MSI2: variants seen among roughly 807,000 people sequenced by gnomAD.
MSI2 encodes the protein musashi RNA binding protein 2.
MSI2 carries 17 observed loss-of-function variants against 45.6 expected under a neutral mutation model. That is an observed-to-expected ratio of 0.37 (90% confidence interval 0.26 to 0.56). The LOEUF (loss-of-function observed/expected upper bound fraction) is 0.56, where lower values mean the gene tolerates loss of function less well. MSI2 is among the 20% of genes least tolerant of loss of function. The pLI, the probability that MSI2 is intolerant of heterozygous loss-of-function variation, is 0.77. For missense variants in MSI2, 293 were observed against 444.2 expected (o/e 0.66, Z 3.06); for synonymous variants, 156 against 158.2 (o/e 0.99, Z 0.11).
intron 7 of MSI2, among the ~76,000 whole-genome samples, chr17:57,571,651 TTC>T (rs1386088663): frequency 2.0e-5 from 3 of 152,206 alleles, no homozygotes; most frequent in African/African-American, 7.2e-5. Context: ...TTTGAGATAC[TTC>T]ATCGAATGAT....
At chr17:57,283,722 C>T (rs1909620464) in intron 5 of MSI2, among the ~76,000 whole-genome samples, 2 of 152,200 alleles carry the variant, frequency 1.3e-5, no homozygotes, top group African/African-American at 4.8e-5. Context: ...CAAGTTGGTG[C>T]TTAGTCTGGG....
chr17:57,418,398 A>G (rs17834199), intron 6 of MSI2, among the ~76,000 whole-genome samples: 25,416 of 152,258 alleles, frequency 0.17, 2,249 homozygotes, highest in African/African-American at 0.19. Flanking sequence ...GTATTGTCTG[A>G]TGCCATCCCT....
intron 5 of MSI2, among the ~76,000 whole-genome samples, chr17:57,307,466 CCA>C (rs1444425507): frequency 6.8e-6 from 1 of 147,968 alleles, no homozygotes; most frequent in Non-Finnish European, 1.5e-5. Flanking sequence ...TCTCTGTTGC[CCA>C]GAGTGGAGTG....
At chr17:57,366,183 G>C (rs1917177263) in intron 5 of MSI2, among the ~76,000 whole-genome samples, 1 of 152,192 alleles carries the variant, frequency 6.6e-6, no homozygotes, top group Non-Finnish European at 1.5e-5. Context: ...AAAGTGCTGG[G>C]ATTACAAGCA....
intron 5 of MSI2, among the ~76,000 whole-genome samples, chr17:57,285,030 T>C (rs1160425530): frequency 2.6e-5 from 4 of 151,940 alleles, no homozygotes; most frequent in Non-Finnish European, 5.9e-5. Flanking sequence ...TGTAGGAGGA[T>C]AGGGGAGGTT....
chr17:57,697,380 C>T, the MSI2 span, among the ~76,000 whole-genome samples: 27 of 152,130 alleles, frequency 1.8e-4, no homozygotes, highest in East Asian at 4.3e-3. Flanking sequence ...CACGTTCTCA[C>T]AGCTTCACGC....
intron 6 of MSI2, among the ~76,000 whole-genome samples, chr17:57,442,443 A>C (rs905990939): frequency 2.0e-5 from 3 of 152,126 alleles, no homozygotes; most frequent in African/African-American, 7.2e-5. Flanking sequence ...CAGAACTTGG[A>C]GAGGTTTTTG....
intron 6 of MSI2, among the ~76,000 whole-genome samples, chr17:57,508,230 A>G (rs1312050951): frequency 2.0e-5 from 3 of 152,016 alleles, no homozygotes; most frequent in African/African-American, 7.3e-5. Context: ...GCCATTCTGC[A>G]TTGATATGAG....
chr17:57,300,257 G>A (rs771124846), intron 5 of MSI2, among the ~76,000 whole-genome samples: 2 of 151,962 alleles, frequency 1.3e-5, no homozygotes, highest in Non-Finnish European at 2.9e-5. Flanking sequence ...TTAACTTTTA[G>A]CAGCCAGATT....
chr17:57,366,819 C>T (rs1194311280), intron 5 of MSI2, among the ~76,000 whole-genome samples: 5 of 152,090 alleles, frequency 3.3e-5, no homozygotes, highest in African/African-American at 9.7e-5. Flanking sequence ...ACGTAATTTA[C>T]GGAGGCGAGG....
At chr17:57,371,524 C>T (rs1446868082) in intron 5 of MSI2, among the ~76,000 whole-genome samples, 1 of 132,494 alleles carries the variant, frequency 7.5e-6, no homozygotes, top group Non-Finnish European at 1.6e-5. Context: ...AAAAAAAGGG[C>T]AAAAAATTAT....
chr17:57,535,141 C>T (rs1277422538), intron 7 of MSI2, among the ~76,000 whole-genome samples: 1 of 152,204 alleles, frequency 6.6e-6, no homozygotes, highest in East Asian at 1.9e-4. Flanking sequence ...TCCAGTGTCC[C>T]CACAACCTCA....
chr17:57,285,837 C>T, intron 5 of MSI2: 1 of 1,446,518 alleles, frequency 6.9e-7, no homozygotes, highest in Non-Finnish European at 9.0e-7. Flanking sequence ...AGCCTCCTAC[C>T]ACTCACTTTC....
At chr17:57,398,798 G>A (rs2083936775) in intron 5 of MSI2, among the ~76,000 whole-genome samples, 1 of 152,146 alleles carries the variant, frequency 6.6e-6, no homozygotes, top group Non-Finnish European at 1.5e-5. Context: ...CCGGCACCTC[G>A]CACTTAATGT....
chr17:57,490,036 A>G (rs542662937), intron 6 of MSI2, among the ~76,000 whole-genome samples: 3 of 152,262 alleles, frequency 2.0e-5, no homozygotes, highest in South Asian at 4.2e-4. Context: ...CCAAGAATAT[A>G]CCTAATGGTA....
At chr17:57,699,912 G>A in the MSI2 span, among the ~76,000 whole-genome samples, 1 of 152,252 alleles carries the variant, frequency 6.6e-6, no homozygotes, top group South Asian at 2.1e-4. Flanking sequence ...CTCTGAGGAA[G>A]GAGCAGGCGA....
chr17:57,381,476 C>T (rs2144028215), intron 5 of MSI2, among the ~76,000 whole-genome samples: 1 of 152,310 alleles, frequency 6.6e-6, no homozygotes, highest in South Asian at 2.1e-4. Context: ...AGCCCTATGG[C>T]CTCTGCTGGT....
chr17:57,472,650 A>G (rs942214102), intron 6 of MSI2, among the ~76,000 whole-genome samples: 2 of 152,156 alleles, frequency 1.3e-5, no homozygotes, highest in African/African-American at 4.8e-5. Context: ...CTCATCTGTA[A>G]TATGGGGATG....
rs1331331097 is a variant in MSI2 at position 57,684,069 on chromosome 17, TCAGA to T, written c.*4556_*4559del. The T allele has an allele frequency of 4.5e-6, 1 of 221,638 alleles. No individual in the cohort carries two copies. The highest frequency in any genetic ancestry group is 2.2e-5 in the African/African-American group (1 of 44,582). The allele number at this position is 221,638 out of a possible 1,614,324, so 13.7% of individuals were successfully genotyped here. Reference sequence around the variant, plus strand: ...TATCAAATAATCAGAATGTATTGTCTCAGACAGGATTTCAGTTCCGGGAGGCAGG... The same window carrying T: ...TATCAAATAATCAGAATGTATTGTCTCAGGATTTCAGTTCCGGGAGGCAGG... On this transcript the variant is annotated 3_prime_UTR_variant, in exon 14 of 14. Transcript: ENST00000284073.
Sources: gnomAD v4.1 joint callset for allele counts (sites outside exome capture counted in the v4.1 genomes callset) on GRCh38, gnomAD v4.1.1 for gene constraint, MANE v1.5 for transcripts, NCBI Gene and HGNC (gene_info 2026-07-23, HGNC 2026-07-21) for gene names.